WAC: variants seen among roughly 807,000 people sequenced by gnomAD.
The protein encoded by WAC is WW domain-containing adapter protein with coiled-coil.
Under a neutral mutation model 79.6 loss-of-function variants are expected in WAC, and 11 were observed. The observed-to-expected ratio is 0.14, with a 90% CI of 0.09 to 0.23. The LOEUF (loss-of-function observed/expected upper bound fraction) is 0.23. WAC is among the 10% of genes least tolerant of loss of function. The pLI, the probability that WAC is intolerant of heterozygous loss-of-function variation, is 1.00. For synonymous variants in WAC, 304 were observed against 276.9 expected, an observed-to-expected ratio of 1.10 and a Z score of -0.97; for missense variants, 728 against 773.5, an observed-to-expected ratio of 0.94 and a Z score of 0.70.
chr10:28,541,533 C>G (rs968566478), intron 3 of WAC, among the ~76,000 whole-genome samples: 1 of 144,040 alleles, frequency 6.9e-6, no homozygotes, highest in African/African-American at 2.5e-5. Context: ...CTGGCAAAAT[C>G]AGTTATTTGG....
At chr10:28,551,965 T>A (rs1376384082) in intron 3 of WAC, among the ~76,000 whole-genome samples, 1 of 152,020 alleles carries the variant, frequency 6.6e-6, no homozygotes, top group Non-Finnish European at 1.5e-5. Flanking sequence ...GAGCTGGGAT[T>A]CCAGGCATGC....
chr10:28,603,178 G>A (rs887976677), intron 7 of WAC, among the ~76,000 whole-genome samples: 2 of 152,132 alleles, frequency 1.3e-5, no homozygotes, highest in African/African-American at 4.8e-5. Flanking sequence ...GGGCCACATT[G>A]GAAGAAGAAG....
chr10:28,603,471 T>C (rs761698820), intron 7 of WAC, among the ~76,000 whole-genome samples: 11 of 152,136 alleles, frequency 7.2e-5, no homozygotes, highest in Admixed American at 1.3e-4. Context: ...AACACTACAT[T>C]CTCTCACGTA....
At chr10:28,598,644 A>G (rs1840492915) in intron 7 of WAC, among the ~76,000 whole-genome samples, 1 of 152,186 alleles carries the variant, frequency 6.6e-6, no homozygotes, top group African/African-American at 2.4e-5. Context: ...GAAGAGCCTA[A>G]ACATTACCCC....
At chr10:28,551,722 CAGTT>C (rs1216302274) in intron 3 of WAC, among the ~76,000 whole-genome samples, 1 of 149,530 alleles carries the variant, frequency 6.7e-6, no homozygotes, top group African/African-American at 2.5e-5. Context: ...TTTTCAGAAA[CAGTT>C]AATGTTTTGA....
intron 3 of WAC, among the ~76,000 whole-genome samples, chr10:28,553,995 T>G (rs1257910680): frequency 6.6e-6 from 1 of 152,124 alleles, no homozygotes; most frequent in Admixed American, 6.5e-5. Flanking sequence ...GTCTCCCAAG[T>G]GTCCAGGACT....
intron 3 of WAC, among the ~76,000 whole-genome samples, chr10:28,577,224 T>C (rs1340286820): frequency 1.3e-5 from 2 of 152,340 alleles, no homozygotes; most frequent in East Asian, 3.9e-4. Flanking sequence ...TAAAGTTGTA[T>C]TGGTTCGTGT....
At chr10:28,589,976 C>T (rs1049222527) in intron 5 of WAC, 125 bp downstream of exon 5, 10 of 660,842 alleles carry the variant, frequency 1.5e-5, no homozygotes, top group Middle Eastern at 5.9e-4. Context: ...TTTTTAGTTG[C>T]GGTGGTTGGT....
chr10:28,542,675 C>G (rs1412140524), intron 3 of WAC, among the ~76,000 whole-genome samples: 5 of 152,138 alleles, frequency 3.3e-5, no homozygotes, highest in Non-Finnish European at 7.4e-5. Context: ...TGTGGATGGA[C>G]CTGACTCATA....
intron 8 of WAC, among the ~76,000 whole-genome samples, chr10:28,609,917 T>A (rs2132819753): frequency 6.7e-6 from 1 of 150,276 alleles, no homozygotes; most frequent in South Asian, 2.1e-4. Context: ...TACATGGTAT[T>A]CCTAAATACT....
intron 10 of WAC, among the ~76,000 whole-genome samples, chr10:28,613,451 C>T (rs1841340790): frequency 6.6e-6 from 1 of 152,102 alleles, no homozygotes; most frequent in Non-Finnish European, 1.5e-5. Flanking sequence ...TTGGAGTGAG[C>T]CAAGATCACG....
At chr10:28,607,271 C>G (rs1841005358) in intron 7 of WAC, among the ~76,000 whole-genome samples, 1 of 152,140 alleles carries the variant, frequency 6.6e-6, no homozygotes, top group Admixed American at 6.5e-5. Flanking sequence ...CACAAAAGTT[C>G]AGTCTACCTT....
chr10:28,547,834 T>A (rs1435356957), intron 3 of WAC, among the ~76,000 whole-genome samples: 1 of 151,882 alleles, frequency 6.6e-6, no homozygotes, highest in Non-Finnish European at 1.5e-5. Flanking sequence ...AATCTCACTT[T>A]GTAAGTGTAG....
In WAC at chr10:28,611,816, C is replaced by A; in HGVS notation, c.1331C>A (p.Ala444Glu). Residue 444 changes from alanine to glutamate, a missense_variant, in exon 10 of 14, where the codon GCG becomes GAG. By Grantham distance (107) the Ala-to-Glu change is moderately radical (BLOSUM62 -1). Around this residue, in one of 3 missense-constraint regions of WAC, gnomAD observed 648 missense variants for 661.5 expected, o/e 0.98. Coordinates refer to ENST00000354911, the MANE Select transcript of WAC (RefSeq NM_016628.5). ...TCTCCGATGTCTTTAACATCTGATGCGTCATCCCCAAGATCATATGTTTCT... is the reference window on the plus strand; with the variant it reads ...TCTCCGATGTCTTTAACATCTGATGAGTCATCCCCAAGATCATATGTTTCT... Reference protein sequence around the residue: ...NQSPMSLTSDASSPRSYVSPR... With the variant: ...NQSPMSLTSDESSPRSYVSPR... The A allele has an allele frequency of 6.2e-7, 1 of 1,614,056 alleles. No homozygotes were observed. The highest frequency in any genetic ancestry group is 8.5e-7 in the Non-Finnish European group (1 of 1,179,976).
At chr10:28,576,398 A>T (rs1048673172) in intron 3 of WAC, among the ~76,000 whole-genome samples, 2 of 152,204 alleles carry the variant, frequency 1.3e-5, no homozygotes, top group Non-Finnish European at 2.9e-5. Context: ...GAACCTGTCA[A>T]CAAAGGAATC....
rs532554663 is a variant in WAC at position 28,535,353 on chromosome 10, G to A, written c.79-209G>A. 3.3e-4 allele frequency: 119 copies of A among 363,916 alleles called. 1 individual carries two copies. In the East Asian group the frequency reaches 3.4e-3, roughly 10 times the overall value. 22.5% of individuals were successfully genotyped at this position (363,916 alleles called of 1,614,324 possible). The stretch of plus-strand genomic sequence containing the variant: ...GGAGTGGGTTTTTTTTGTGTTTAGT[G>A]TGATTTGTTATCAGGAGTCTTATTG... On this transcript the variant is annotated intron_variant, in intron 2 of 13. Coordinates refer to ENST00000354911, the MANE Select transcript of WAC (RefSeq NM_016628.5).
At chr10:28,586,233 C>CT (rs1479360978) in intron 4 of WAC, among the ~76,000 whole-genome samples, 1 of 152,104 alleles carries the variant, frequency 6.6e-6, no homozygotes, top group East Asian at 1.9e-4. Flanking sequence ...TTGAAATTAT[C>CT]TTTTATTTTC....
rs552685345 is a variant in WAC, at chr10:28,583,614, A to G, written c.381+109A>G. On this transcript the variant is annotated intron_variant, in intron 4 of 13. Coordinates refer to ENST00000354911, the MANE Select transcript of WAC (RefSeq NM_016628.5). The stretch of plus-strand genomic sequence containing the variant: ...GTAAAATCTAATGTCTTTTTTTTTA[A>G]AAATGTTTCAATCACAGTCTTAATG... 4 of 756,458 alleles carry G rather than the reference A, an allele frequency of 5.3e-6. No homozygotes were observed. The East Asian group carries it at 1.1e-4, about 21-fold the overall frequency. 46.9% of individuals were successfully genotyped at this position (756,458 alleles called of 1,614,324 possible).
chr10:28,588,749 G>C (rs184801856), intron 4 of WAC: 1 of 152,058 alleles, frequency 6.6e-6, no homozygotes, highest in Non-Finnish European at 1.5e-5. Context: ...TTTCTAAATT[G>C]ACAATTCTAC....
Sources: allele counts gnomAD v4.1 joint callset (sites outside exome capture counted in the v4.1 genomes callset), GRCh38; gene constraint gnomAD v4.1.1; regional missense constraint gnomAD v4.1.1; transcripts MANE v1.5; gene names NCBI Gene and HGNC (gene_info 2026-07-23, HGNC 2026-07-21).